Variants in LAMA3 observed in about 807,000 individuals in gnomAD.
LAMA3 encodes laminin subunit alpha-3.
A neutral mutation model predicts 402.0 loss-of-function variants in LAMA3; 281 were observed. That is an observed-to-expected ratio of 0.70 (90% CI 0.63 to 0.77). The LOEUF (loss-of-function observed/expected upper bound fraction) is 0.77. LAMA3 is among the 30% of genes least tolerant of loss of function. The probability of loss-of-function intolerance (pLI) is 0.00; values close to 1 mark genes in which losing one functional copy is unlikely to be tolerated. For missense variants in LAMA3, 3,840 were observed against 4,215.5 expected (o/e 0.91, Z 2.47); for synonymous variants, 1,431 against 1,558.4 (o/e 0.92, Z 1.93).
intron 48 of LAMA3, among the ~76,000 whole-genome samples, chr18:23,902,448 A>G (rs1270225979): frequency 2.6e-5 from 4 of 152,216 alleles, no homozygotes; most frequent in African/African-American, 9.6e-5. Flanking sequence ...AAGTTGGCAA[A>G]TGAAAATAAA....
intron 68 of LAMA3, among the ~76,000 whole-genome samples, chr18:23,939,948 T>C (rs549290950): frequency 6.6e-6 from 1 of 152,346 alleles, no homozygotes; most frequent in East Asian, 1.9e-4. Context: ...TACTGACCTT[T>C]TCTTCACGGC....
At chr18:23,831,131 T>G (rs2063483073) in intron 23 of LAMA3, among the ~76,000 whole-genome samples, 1 of 152,212 alleles carries the variant, frequency 6.6e-6, no homozygotes, top group South Asian at 2.1e-4. Flanking sequence ...TTTGTGAGAA[T>G]CTCTGTAGAA....
Position 23,920,949 on chromosome 18 carries a change from T to C in LAMA3, c.7938T>C (p.Ser2646=). The C allele has an allele frequency of 1.9e-6, 3 of 1,614,020 alleles. No homozygotes were observed. Among genetic ancestry groups the C allele is most frequent in the Non-Finnish European group, 2.5e-6 (3 of 1,179,994 alleles). Residue 2646 remains serine (S), a synonymous_variant, in exon 61 of 75, where the codon TCT becomes TCC. Coordinates refer to ENST00000313654, the MANE Select transcript of LAMA3 (RefSeq NM_198129.4). ...CTCTGTCCTAGGATCGCTTCATATC[T>C]CTAAATATAGAAGATGGCAAGCTCA... ...FFAENGDRFI[S]LNIEDGKLMV...
chr18:23,728,312 C>T (rs1235007400), intron 2 of LAMA3, among the ~76,000 whole-genome samples: 2 of 152,104 alleles, frequency 1.3e-5, no homozygotes, highest in African/African-American at 4.8e-5. Context: ...CCCAGGTGCT[C>T]AGGGGGTAGG....
chr18:23,826,843 T>A, intron 22 of LAMA3, 44 bp downstream of exon 22: 1 of 1,183,896 alleles, frequency 8.4e-7, no homozygotes, highest in Non-Finnish European at 1.2e-6. Context: ...TGGGGTCCTC[T>A]AAATTAGGAG....
Position 23,825,624 on chromosome 18 carries a change from A to G in LAMA3, c.2571+1059A>G, listed in dbSNP as rs1240598585. On this transcript the variant is annotated intron_variant, in intron 21 of 74. Transcript: ENST00000313654. The stretch of plus-strand genomic sequence containing the variant: ...ATCAGAAGGTCTCTGCTCTTCTTGC[A>G]TCTTCTTAGTAGGAAGCTTTATTGC... Among the ~76,000 whole-genome samples, 10 of 152,144 alleles carry G rather than the reference A, an allele frequency of 6.6e-5. No individual in the cohort carries two copies. The East Asian group carries it at 1.7e-3, about 26-fold the overall frequency.
rs747985583 is a variant in LAMA3, at chr18:23,773,537, G to T, written c.1223G>T (p.Gly408Val). 1 of 1,599,854 alleles carries T rather than the reference G, an allele frequency of 6.3e-7. No individual in the cohort carries two copies. The highest frequency in any genetic ancestry group is 1.1e-5 in the South Asian group (1 of 88,706). ...GTAAACTGTGAACAGTGTGCTAAGG[G>T]CTATTACCGCCCTTATGGGGTTCCA... Reference protein sequence around the residue: ...AGVNCEQCAKGYYRPYGVPVD... With the variant: ...AGVNCEQCAKVYYRPYGVPVD... Residue 408 changes from glycine to valine, a missense_variant, in exon 9 of 75, where the codon GGC (glycine) becomes GTC (valine). Transcript: ENST00000313654.
intron 12 of LAMA3, among the ~76,000 whole-genome samples, chr18:23,806,978 G>T (rs565164082): frequency 6.6e-6 from 1 of 152,114 alleles, no homozygotes; most frequent in African/African-American, 2.4e-5. Context: ...TATCAAATAC[G>T]TGGTCACCCA....
Position 23,904,017 on chromosome 18 carries a change from A to G in LAMA3, c.6403A>G (p.Lys2135Glu). The part of the protein sequence containing the change: ...KVRELSRSAG[K>E]TSLVEEAEKH... Reference sequence around the variant, plus strand: ...AAGAGAACTTTCCAGATCTGCTGGCAAAACATCCCTTGTGGAGGAGGCAGA... The same window carrying G: ...AAGAGAACTTTCCAGATCTGCTGGCGAAACATCCCTTGTGGAGGAGGCAGA... Residue 2135 changes from lysine to glutamate, a missense_variant, in exon 50 of 75, where the codon AAA (lysine) becomes GAA (glutamate). By Grantham distance (56) the Lys-to-Glu change is moderately conservative. Coordinates refer to ENST00000313654, the MANE Select transcript of LAMA3 (RefSeq NM_198129.4). 1 of 1,614,212 alleles carries G rather than the reference A, an allele frequency of 6.2e-7. No individual in the cohort carries two copies. The highest frequency in any genetic ancestry group is 8.5e-7 in the Non-Finnish European group (1 of 1,180,048).
rs763626668 is a variant in LAMA3 at position 23,861,781 on chromosome 18, G to T, written c.4558G>T (p.Ala1520Ser). 50 of 1,613,082 alleles carry T rather than the reference G, an allele frequency of 3.1e-5. No homozygotes were observed. Among genetic ancestry groups the T allele is most frequent in the Non-Finnish European group, 4.2e-5 (50 of 1,179,546 alleles). ...PATIHSASWV[A>S]PTSYLGDKVS... is the part of the protein sequence containing the mutation. The stretch of plus-strand genomic sequence containing the variant: ...AACCATCCACAGCGCGTCCTGGGTC[G>T]CACCCACCTCCTACCTGGGGGACAA... Residue 1520 changes from alanine (A) to serine (S), a missense_variant, in exon 35 of 75, where the codon GCA becomes TCA. By Grantham distance (99) the Ala-to-Ser change is moderately conservative. Around this residue, in one of 3 missense-constraint regions of LAMA3, gnomAD observed 2,109 missense variants for 2,376.0 expected, o/e 0.89. Coordinates refer to ENST00000313654, the MANE Select transcript of LAMA3 (RefSeq NM_198129.4).
intron 52 of LAMA3, 27 bp from the exon 53 acceptor site, chr18:23,907,523 G>T (rs1233564236): frequency 2.0e-6 from 3 of 1,483,156 alleles, no homozygotes; most frequent in Non-Finnish European, 1.9e-6. Flanking sequence ...CAAAGTAATT[G>T]CCTCCTGATG....
chr18:23,904,489 G>C lies in LAMA3; in HGVS notation c.6474-64G>C, dbSNP rs770380159. On this transcript the variant is annotated intron_variant, in intron 50 of 74. Transcript: ENST00000313654. ...ATAAAAAGAAGAAATGGAAAGGTTT[G>C]GGGGGATGTCAGCTGCTGGCAGAGG... The C allele has an allele frequency of 5.0e-5, 75 of 1,488,970 alleles. No individual in the cohort carries two copies. The Admixed American group carries it at 6.5e-4, about 13-fold the overall frequency. 92.2% of individuals were successfully genotyped at this position (1,488,970 alleles called of 1,614,324 possible).
At chr18:23,854,406 C>A (rs1331245071) in intron 32 of LAMA3, among the ~76,000 whole-genome samples, 1 of 152,156 alleles carries the variant, frequency 6.6e-6, no homozygotes, top group Non-Finnish European at 1.5e-5. Context: ...CTTTGGGAGG[C>A]CAAGTTGGGT....
intron 8 of LAMA3, among the ~76,000 whole-genome samples, chr18:23,765,828 T>C (rs929878666): frequency 1.1e-4 from 16 of 152,010 alleles, no homozygotes; most frequent in African/African-American, 2.4e-4. Flanking sequence ...AAAAAATCCA[T>C]TGGAGGGGCC....
intron 1 of LAMA3, among the ~76,000 whole-genome samples, chr18:23,711,925 G>C (rs1474700268): frequency 6.6e-6 from 1 of 152,180 alleles, no homozygotes; most frequent in African/African-American, 2.4e-5. Context: ...ATTTTGGGGA[G>C]AGATTTTGCT....
chr18:23,853,957 A>G (rs1250523254), intron 32 of LAMA3, among the ~76,000 whole-genome samples: 2 of 152,248 alleles, frequency 1.3e-5, no homozygotes, highest in South Asian at 2.1e-4. Context: ...TTTGCACAGG[A>G]TGCATAACTC....
chr18:23,952,994 C>T lies in LAMA3; in HGVS notation c.9741C>T (p.Thr3247=). The T allele has an allele frequency of 6.2e-7, 1 of 1,614,076 alleles. No homozygotes were observed. Among genetic ancestry groups the T allele is most frequent in the Non-Finnish European group, 8.5e-7 (1 of 1,179,974 alleles). The change falls in exon 74 of 75, where the codon ACC becomes ACT. Residue 3247 remains threonine, a synonymous_variant. Transcript: ENST00000313654. ...CDGQWHSVAV[T]IKQHILHLEL... ...TAACCAGCCTCCTTTCCCCAGTCAC[C>T]ATAAAACAACACATCCTGCACCTGG...
At chr18:23,832,573 G>T (rs1358366853) in intron 23 of LAMA3, among the ~76,000 whole-genome samples, 1 of 152,064 alleles carries the variant, frequency 6.6e-6, no homozygotes, top group Non-Finnish European at 1.5e-5. Flanking sequence ...TCTAATATTG[G>T]CCCAGGCATT....
chr18:23,811,976 C>T (rs1037380069), intron 13 of LAMA3, among the ~76,000 whole-genome samples: 6 of 151,970 alleles, frequency 3.9e-5, no homozygotes, highest in South Asian at 2.1e-4. Flanking sequence ...CGGGTTCAAG[C>T]GATTCTCCTG....
Sources: allele counts gnomAD v4.1 joint callset (sites outside exome capture counted in the v4.1 genomes callset), GRCh38; gene constraint gnomAD v4.1.1; regional missense constraint gnomAD v4.1.1; transcripts MANE v1.5; gene names NCBI Gene and HGNC (gene_info 2026-07-23, HGNC 2026-07-21).